Variants in CYP20A1 observed in about 807,000 individuals in gnomAD.
CYP20A1 encodes cytochrome P450 family 20 subfamily A member 1, also known as cytochrome P450 20A1.
A neutral mutation model predicts 61.4 loss-of-function variants in CYP20A1; 61 were observed. The observed-to-expected ratio is 0.99, with a 90% confidence interval of 0.81 to 1.23. The LOEUF (loss-of-function observed/expected upper bound fraction) is 1.23, where lower values mean the gene tolerates loss of function less well. Ranked by LOEUF, CYP20A1 falls within the 50% of genes most tolerant of loss-of-function variation. CYP20A1 has a pLI of 0.00. For missense variants in CYP20A1, 530 were observed against 542.4 expected, an observed-to-expected ratio of 0.98 and a Z score of 0.23; for synonymous variants, 193 against 188.2, an observed-to-expected ratio of 1.03 and a Z score of -0.21.
At chr2:203,249,534 T>C (rs1298182880) in intron 3 of CYP20A1, among the ~76,000 whole-genome samples, 1 of 152,064 alleles carries the variant, frequency 6.6e-6, no homozygotes, top group Non-Finnish European at 1.5e-5. Flanking sequence ...TAAATATATA[T>C]AGTCCTTAAA....
At chr2:203,266,808 G>T in intron 5 of CYP20A1, 127 bp downstream of exon 5, 2 of 744,118 alleles carry the variant, frequency 2.7e-6, no homozygotes, top group South Asian at 3.6e-5. Flanking sequence ...TGGTAAAAAC[G>T]TGTCTCTACT....
chr2:203,281,542 C>G (rs933174000), intron 8 of CYP20A1, among the ~76,000 whole-genome samples: 14 of 151,090 alleles, frequency 9.3e-5, no homozygotes, highest in African/African-American at 3.4e-4. Context: ...GTGACTCATG[C>G]CTGTAATCCC....
Position 203,298,186 on chromosome 2 carries a change from G to C in CYP20A1, c.*1278G>C, listed in dbSNP as rs1282722742. ...GTGGATTGCTTGAGCCCAGGAGTTT[G>C]AGACCAGCCCAGGCAACATTGGGAG... On this transcript the variant is annotated 3_prime_UTR_variant, in exon 13 of 13. Coordinates refer to ENST00000356079, the MANE Select transcript of CYP20A1 (RefSeq NM_177538.3). 6.4e-6 allele frequency: 1 copy of C among 155,582 alleles called. No individual in the cohort carries two copies. The highest frequency in any genetic ancestry group is 6.5e-5 in the Admixed American group (1 of 15,300). 9.6% of individuals were successfully genotyped at this position (155,582 alleles called of 1,614,324 possible). A position where few individuals can be genotyped will look rare whatever the true frequency, so the allele number is the denominator to read the frequency against.
Position 203,302,851 on chromosome 2 carries a change from C to T in CYP20A1, c.*5943C>T, listed in dbSNP as rs1197830354. ...GGGGTTACAGGCGCGTGCCATCACACCCAGCTCATTTTTGTATTTTTAGTA... is the reference window on the plus strand; with the variant it reads ...GGGGTTACAGGCGCGTGCCATCACATCCAGCTCATTTTTGTATTTTTAGTA... On this transcript the variant is annotated 3_prime_UTR_variant, in exon 13 of 13. Coordinates refer to ENST00000356079, the MANE Select transcript of CYP20A1 (RefSeq NM_177538.3). 3.3e-5 allele frequency among the ~76,000 whole-genome samples: 5 copies of T among 151,912 alleles called. No individual in the cohort carries two copies. Among genetic ancestry groups the T allele is most frequent in the East Asian group, 1.9e-4 (1 of 5,178 alleles).
chr2:203,263,583 C>T (rs1479434810), intron 4 of CYP20A1, among the ~76,000 whole-genome samples: 5 of 152,110 alleles, frequency 3.3e-5, no homozygotes, highest in African/African-American at 7.2e-5. Flanking sequence ...CCACCGCTCC[C>T]GGCCCGTATG....
intron 1 of CYP20A1, 150 bp downstream of exon 1, chr2:203,239,284 A>G: frequency 1.5e-6 from 1 of 673,822 alleles, no homozygotes; most frequent in South Asian, 1.7e-5. Flanking sequence ...CGGGGACCGC[A>G]CCCGGAGTCA....
intron 1 of CYP20A1, 46 bp downstream of exon 1, chr2:203,239,180 C>G: frequency 1.5e-5 from 23 of 1,524,090 alleles, no homozygotes; most frequent in Non-Finnish European, 2.1e-5. Flanking sequence ...CCGCCCCAGT[C>G]TCTCTGTCGC....
intron 4 of CYP20A1, among the ~76,000 whole-genome samples, chr2:203,252,659 T>C (rs1177464780): frequency 6.6e-6 from 1 of 152,086 alleles, no homozygotes; most frequent in East Asian, 1.9e-4. Context: ...CCTCCCAAAG[T>C]GCTCCATGAT....
intron 8 of CYP20A1, among the ~76,000 whole-genome samples, 156 bp from the exon 9 acceptor site, chr2:203,285,456 A>C (rs2068224763): frequency 6.6e-6 from 1 of 152,188 alleles, no homozygotes; most frequent in African/African-American, 2.4e-5. Flanking sequence ...CCCTGTGAAG[A>C]ATTTTACTTT....
intron 8 of CYP20A1, among the ~76,000 whole-genome samples, chr2:203,282,084 C>G (rs1213628027): frequency 7.4e-6 from 1 of 134,742 alleles, no homozygotes; most frequent in African/African-American, 2.7e-5. Context: ...GTCACCCAGG[C>G]TGTAGTGCAA....
chr2:203,260,955 CTCTT>C (rs770402410), intron 4 of CYP20A1, among the ~76,000 whole-genome samples: 7 of 152,164 alleles, frequency 4.6e-5, no homozygotes, highest in South Asian at 4.1e-4. Flanking sequence ...TTCTCTCTCT[CTCTT>C]TTTTCTTATT....
chr2:203,250,867 A>G (rs1295464433), intron 3 of CYP20A1, among the ~76,000 whole-genome samples: 1 of 151,940 alleles, frequency 6.6e-6, no homozygotes, highest in Non-Finnish European at 1.5e-5. Flanking sequence ...GATCGAGACC[A>G]TCCTGGCTAA....
Position 203,276,836 on chromosome 2 carries a change from A to G in CYP20A1, c.680-1737A>G, listed in dbSNP as rs201088091. ...AAATACAGATTTGGAAGTGCACGGT[A>G]CATATATTGCACTGAAAGCCTTGAG... is the stretch of plus-strand genomic sequence containing the variant. On this transcript the variant is annotated intron_variant, in intron 6 of 12. Coordinates refer to ENST00000356079, the MANE Select transcript of CYP20A1 (RefSeq NM_177538.3). 1.2e-4 allele frequency among the ~76,000 whole-genome samples: 19 copies of G among 152,310 alleles called. No individual in the cohort carries two copies. The East Asian group carries it at 2.9e-3, about 23-fold the overall frequency.
At chr2:203,277,209 G>A (rs190394878) in intron 6 of CYP20A1, among the ~76,000 whole-genome samples, 86 of 152,138 alleles carry the variant, frequency 5.7e-4, no homozygotes, top group East Asian at 1.9e-3. Flanking sequence ...TTAGCCGGGC[G>A]TGGTGGCACA....
chr2:203,302,844 C>G lies in CYP20A1; in HGVS notation c.*5936C>G, dbSNP rs892546708. On this transcript the variant is annotated 3_prime_UTR_variant, in exon 13 of 13. Coordinates refer to ENST00000356079, the MANE Select transcript of CYP20A1 (RefSeq NM_177538.3). ...AGTAACTGGGGTTACAGGCGCGTGC[C>G]ATCACACCCAGCTCATTTTTGTATT... 1.3e-5 allele frequency among the ~76,000 whole-genome samples: 2 copies of G among 151,864 alleles called. No individual in the cohort carries two copies. Among genetic ancestry groups the G allele is most frequent in the African/African-American group, 4.8e-5 (2 of 41,328 alleles).
At chr2:203,281,086 A>C (rs1436503985) in intron 8 of CYP20A1, among the ~76,000 whole-genome samples, 2 of 152,168 alleles carry the variant, frequency 1.3e-5, no homozygotes, top group African/African-American at 4.8e-5. Context: ...AAAATTGTAA[A>C]ATATTTGATA....
At chr2:203,267,160 C>T (rs544408547) in intron 5 of CYP20A1, among the ~76,000 whole-genome samples, 2 of 151,972 alleles carry the variant, frequency 1.3e-5, no homozygotes, top group South Asian at 4.2e-4. Flanking sequence ...GAGACCCTGT[C>T]TCTAAAAAAT....
At chr2:203,276,508 T>C (rs550628609) in intron 6 of CYP20A1, among the ~76,000 whole-genome samples, 9 of 150,766 alleles carry the variant, frequency 6.0e-5, no homozygotes, top group African/African-American at 9.8e-5. Flanking sequence ...ACAGGAAATA[T>C]AGAACAAGAA....
rs1303796931 is a variant in CYP20A1 at position 203,278,557 on chromosome 2, TG to T, written c.680-15del. ...TAATGCTTGTATTCTAAAATTATTT[TG>T]TTTTTTTCTCTAAGCCCTCATGCAA... On this transcript the variant is annotated splice_polypyrimidine_tract_variant and intron_variant, in intron 6 of 12. Transcript: ENST00000356079. The T allele has an allele frequency of 7.7e-7, 1 of 1,302,804 alleles. No homozygotes were observed. Among genetic ancestry groups the T allele is most frequent in the Non-Finnish European group, 1.1e-6 (1 of 929,936 alleles). The allele number at this position is 1,302,804 out of a possible 1,614,324, so 80.7% of individuals were successfully genotyped here. A position where few individuals can be genotyped will look rare whatever the true frequency, so the allele number is the denominator to read the frequency against.
Sources: gnomAD v4.1 joint callset for allele counts (sites outside exome capture counted in the v4.1 genomes callset) on GRCh38, gnomAD v4.1.1 for gene constraint, MANE v1.5 for transcripts, NCBI Gene and HGNC (gene_info 2026-07-23, HGNC 2026-07-21) for gene names.